PCDHGA10: variants seen among roughly 807,000 people sequenced by gnomAD.
PCDHGA10 encodes protocadherin gamma-A10.
A neutral mutation model predicts 59.5 loss-of-function variants in PCDHGA10; 42 were observed. That is an observed-to-expected ratio of 0.71 (90% CI 0.55 to 0.91). The LOEUF is 0.91. Among genes scored for constraint, PCDHGA10 ranks in the 40% least tolerant of loss-of-function variants. The pLI is 0.00. For missense variants in PCDHGA10, 1,111 were observed against 1,198.2 expected (o/e 0.93, Z 1.07); for synonymous variants, 511 against 517.2 (o/e 0.99, Z 0.16).
chr5:141,449,774 A>G (rs541830970), intron 1 of PCDHGA10, among the ~76,000 whole-genome samples: 2 of 151,714 alleles, frequency 1.3e-5, no homozygotes, highest in African/African-American at 4.8e-5. Flanking sequence ...AAGTTGTAGA[A>G]ATTATGTTTC....
chr5:141,421,697 A>T (rs750973568), intron 1 of PCDHGA10: 8 of 1,613,924 alleles, frequency 5.0e-6, no homozygotes, highest in Non-Finnish European at 6.8e-6. Context: ...GCTCTTCCTA[A>T]TGCTAGGGAT....
Position 141,421,812 on chromosome 5 carries a change from A to G in PCDHGA10, c.2436+6201A>G, listed in dbSNP as rs779804436. On this transcript the variant is annotated intron_variant, in intron 1 of 3. Transcript: ENST00000398610. ...CGGATGGGGCCAAGAATCCAGAGCTAGTACTGGAGGGAAGCCTGGACCGAG... is the reference window on the plus strand; with the variant it reads ...CGGATGGGGCCAAGAATCCAGAGCTGGTACTGGAGGGAAGCCTGGACCGAG... 9.9e-6 allele frequency: 16 copies of G among 1,613,704 alleles called. 1 individual carries two copies. In the South Asian group the frequency reaches 1.5e-4, roughly 16 times the overall value.
At position 141,476,873 on chromosome 5, in the gene PCDHGA10, G is replaced by C; in HGVS notation, c.2437-17934G>C. On this transcript the variant is annotated intron_variant, in intron 1 of 3. Coordinates refer to ENST00000398610, the MANE Select transcript of PCDHGA10 (RefSeq NM_018913.3). This position sits in a 1 kb window ranked among gnomAD's most constrained non-coding sequence, Gnocchi z 7.6. ...CAACCAGTCCTTGTACCGGGCGCGC[G>C]TCCTGGAGGATGCACCCTCCGGCAC... 1 of 1,613,936 alleles carries C rather than the reference G, an allele frequency of 6.2e-7. No homozygotes were observed. Among genetic ancestry groups the C allele is most frequent in the South Asian group, 1.1e-5 (1 of 91,088 alleles).
rs777503392 is a variant in PCDHGA10 at position 141,415,425 on chromosome 5, T to G, written c.2250T>G (p.Val750=). The change falls in exon 1 of 4, where the codon GTT becomes GTG. Residue 750 remains valine, a synonymous_variant. Transcript: ENST00000398610. Reference sequence around the variant, plus strand: ...CGCACTTTGTGGGCGTGGACGGGGTTCGGGCTTTCCTGCAGACCTATTCCC... The same window carrying G: ...CGCACTTTGTGGGCGTGGACGGGGTGCGGGCTTTCCTGCAGACCTATTCCC... ...SGSHFVGVDG[V]RAFLQTYSHE... 4.3e-6 allele frequency: 7 copies of G among 1,614,080 alleles called. No homozygotes were observed. Among genetic ancestry groups the G allele is most frequent in the African/African-American group, 1.3e-5 (1 of 74,946 alleles).
chr5:141,467,874 G>T (rs926647135), intron 1 of PCDHGA10, among the ~76,000 whole-genome samples: 1 of 151,920 alleles, frequency 6.6e-6, no homozygotes, highest in Non-Finnish European at 1.5e-5. Context: ...GCCCAGGCTG[G>T]TCTCAAACTC....
intron 1 of PCDHGA10, chr5:141,421,951 A>G: frequency 6.2e-7 from 1 of 1,612,854 alleles, no homozygotes; most frequent in Non-Finnish European, 8.5e-7. Flanking sequence ...TCACATCCCA[A>G]TGTTTACACA....
Position 141,510,960 on chromosome 5 carries a change from G to T in PCDHGA10, c.2598G>T (p.Gly866=). The T allele has an allele frequency of 6.2e-7, 1 of 1,614,120 alleles. No individual in the cohort carries two copies. The highest frequency in any genetic ancestry group is 1.3e-5 in the African/African-American group (1 of 75,022). ...ILASASEAAD[G]SSTLGGGAGT... is the part of the protein sequence containing the mutation. ...CTGTCTCTGCAGAAGCTGCTGATGG[G>T]AGCTCCACCCTGGGAGGGGGTGCCG... Residue 866 remains glycine, a synonymous_variant, in exon 4 of 4, where the codon GGG becomes GGT. Transcript: ENST00000398610.
rs1004089667 is a variant in PCDHGA10, at chr5:141,497,399, C to G, written c.2495+2534C>G. The stretch of plus-strand genomic sequence containing the variant: ...TGGGGTGAGCACCTTACCCCTGCCT[C>G]AACTCCCATTCCATCAAATGAGAGG... On this transcript the variant is annotated intron_variant, in intron 2 of 3. Coordinates refer to ENST00000398610, the MANE Select transcript of PCDHGA10 (RefSeq NM_018913.3). Among the ~76,000 whole-genome samples the G allele has an allele frequency of 5.9e-5, 9 of 152,146 alleles. 1 individual carries two copies. The highest frequency in any genetic ancestry group is 1.2e-4 in the Non-Finnish European group (8 of 68,034).
At chr5:141,474,452 G>A (rs1341193950) in intron 1 of PCDHGA10, among the ~76,000 whole-genome samples, 1 of 152,158 alleles carries the variant, frequency 6.6e-6, no homozygotes, top group Non-Finnish European at 1.5e-5. Flanking sequence ...CAAGTGATTG[G>A]GCTATACTCT....
Position 141,432,211 on chromosome 5 carries a change from C to A in PCDHGA10, c.2436+16600C>A, listed in dbSNP as rs1390215329. On this transcript the variant is annotated intron_variant, in intron 1 of 3. Coordinates refer to ENST00000398610, the MANE Select transcript of PCDHGA10 (RefSeq NM_018913.3). The surrounding 1 kb of genome is among the most constrained non-coding windows in gnomAD (Gnocchi z 6.0). The stretch of plus-strand genomic sequence containing the variant: ...CCCACGACCCCGACTGTGAAGAGAA[C>A]GCCCAGATCACTTATTCCCTGGCTG... 1 of 1,614,232 alleles carries A rather than the reference C, an allele frequency of 6.2e-7. No individual in the cohort carries two copies. Among genetic ancestry groups the A allele is most frequent in the Admixed American group, 1.7e-5 (1 of 60,032 alleles).
chr5:141,511,486 TC>T lies in PCDHGA10; in HGVS notation c.*315del. The T allele has an allele frequency of 2.2e-6, 1 of 449,906 alleles. No homozygotes were observed. 27.9% of individuals were successfully genotyped at this position (449,906 alleles called of 1,614,324 possible). A position where few individuals can be genotyped will look rare whatever the true frequency, so the allele number is the denominator to read the frequency against. On this transcript the variant is annotated 3_prime_UTR_variant, in exon 4 of 4. Transcript: ENST00000398610. ...CCCCGTTTAGTTACAGCTGAACTCC[TC>T]CATCTTCCAAATCAATCAGGCCCAT...
intron 1 of PCDHGA10, among the ~76,000 whole-genome samples, chr5:141,425,694 A>G (rs1006103007): frequency 6.6e-6 from 1 of 152,240 alleles, no homozygotes; most frequent in Non-Finnish European, 1.5e-5. Context: ...ATATCATTTC[A>G]TAGTGGTCAA....
chr5:141,482,747 G>T lies in PCDHGA10; in HGVS notation c.2437-12060G>T, dbSNP rs182945398. On this transcript the variant is annotated intron_variant, in intron 1 of 3. Transcript: ENST00000398610. ...CATTGCAAGAAATTCCATGCAGAGG[G>T]ATTATGGTATTTCATTATCACTGAA... Among the ~76,000 whole-genome samples, 567 of 128,410 alleles carry T rather than the reference G, an allele frequency of 4.4e-3. 2 individuals carry two copies. The highest frequency in any genetic ancestry group is 0.019 in the African/African-American group (533 of 28,666). The allele number at this position is 128,410 out of a possible 152,430, so 84.2% of individuals were successfully genotyped here. A position where few individuals can be genotyped will look rare whatever the true frequency, so the allele number is the denominator to read the frequency against.
intron 1 of PCDHGA10, among the ~76,000 whole-genome samples, chr5:141,482,875 C>T (rs2099573976): frequency 6.6e-6 from 1 of 151,958 alleles, no homozygotes; most frequent in African/African-American, 2.4e-5. Context: ...AGTTTGAAAC[C>T]AGCCTGGCCA....
chr5:141,418,007 C>G (rs1561770675), intron 1 of PCDHGA10: 1 of 1,613,904 alleles, frequency 6.2e-7, no homozygotes, highest in Non-Finnish European at 8.5e-7. Flanking sequence ...GGTGGGGAAC[C>G]TCGCTAAGGA....
At chr5:141,505,352 C>CG in intron 2 of PCDHGA10, 41 bp from the exon 3 acceptor site, 1 of 1,613,302 alleles carries the variant, frequency 6.2e-7, no homozygotes, top group East Asian at 2.2e-5. Context: ...TGAGCTGTGC[C>CG]GGCCTGGGAG....
intron 3 of PCDHGA10, among the ~76,000 whole-genome samples, chr5:141,508,855 C>T (rs2099872444): frequency 6.6e-6 from 1 of 152,020 alleles, no homozygotes; most frequent in Non-Finnish European, 1.5e-5. Flanking sequence ...CATTCCCAGG[C>T]TGGGAAAGGC....
At chr5:141,467,460 T>G (rs1354012953) in intron 1 of PCDHGA10, among the ~76,000 whole-genome samples, 1 of 152,246 alleles carries the variant, frequency 6.6e-6, no homozygotes. Context: ...CCAGTGCTAG[T>G]ACTTGCATGG....
chr5:141,418,270 A>T, intron 1 of PCDHGA10: 1 of 1,614,052 alleles, frequency 6.2e-7, no homozygotes. Context: ...GGAAAGATGA[A>T]ATAAACTTAG....
Sources: gnomAD v4.1 joint callset for allele counts (sites outside exome capture counted in the v4.1 genomes callset) on GRCh38, gnomAD v4.1.1 for gene constraint, Gnocchi (gnomAD v3.1) non-coding constraint, MANE v1.5 for transcripts, NCBI Gene and HGNC (gene_info 2026-07-23, HGNC 2026-07-21) for gene names.